ITGA2B: variants seen among roughly 807,000 people sequenced by gnomAD.
ITGA2B encodes integrin alpha-IIb.
Under a neutral mutation model 142.0 loss-of-function variants are expected in ITGA2B, and 91 were observed. The observed-to-expected ratio is 0.64, with a 90% CI of 0.54 to 0.76. The LOEUF is 0.76. Among genes scored for constraint, ITGA2B ranks in the 30% least tolerant of loss-of-function variants. The pLI is 0.00. For synonymous variants in ITGA2B, 536 were observed against 567.2 expected, an observed-to-expected ratio of 0.94 and a Z score of 0.78; for missense variants, 1,231 against 1,350.8, an observed-to-expected ratio of 0.91 and a Z score of 1.39.
intron 26 of ITGA2B, 74 bp downstream of exon 26, chr17:44,375,517 C>T: frequency 6.3e-7 from 1 of 1,576,144 alleles, no homozygotes; most frequent in East Asian, 2.3e-5. Context: ...CACCCGGACC[C>T]CTCTCCCTCC....
intron 29 of ITGA2B, among the ~76,000 whole-genome samples, chr17:44,372,640 T>G (rs913564144): frequency 3.3e-5 from 5 of 152,050 alleles, no homozygotes; most frequent in Non-Finnish European, 7.4e-5. Flanking sequence ...TATTTTTTTC[T>G]TTTTTTTAGA....
intron 22 of ITGA2B, 133 bp downstream of exon 22, chr17:44,376,876 G>T: frequency 1.4e-6 from 1 of 732,902 alleles, no homozygotes; most frequent in East Asian, 2.7e-5. Flanking sequence ...GCCTCGCAAC[G>T]TGCTGGGATT....
intron 9 of ITGA2B, 85 bp downstream of exon 9, chr17:44,384,226 G>A (rs911147845): frequency 6.3e-7 from 1 of 1,588,060 alleles, no homozygotes; most frequent in African/African-American, 1.3e-5. Context: ...GGTGGAGGCG[G>A]GGCGGGGGTG....
intron 12 of ITGA2B, 90 bp downstream of exon 12, chr17:44,383,403 T>A: frequency 8.1e-7 from 1 of 1,238,278 alleles, no homozygotes; most frequent in Non-Finnish European, 1.1e-6. Flanking sequence ...TTAAAACCCA[T>A]CCTGGTTCTG....
At position 44,385,983 on chromosome 17, in the gene ITGA2B, A is replaced by G. The variant is rs773993659; in HGVS notation, c.310+27T>C. 2.1e-5 allele frequency: 34 copies of G among 1,613,892 alleles called. No individual in the cohort carries two copies. In the East Asian group the frequency reaches 5.3e-4, roughly 25 times the overall value. On this transcript the variant is annotated intron_variant, in intron 2 of 29. Transcript: ENST00000262407. ...GGCAGTCCACGTCCCTCTGACCCCA[A>G]CCTTGCTCTCCTTGCCTGGGACTCA... is the stretch of plus-strand genomic sequence containing the variant.
Position 44,375,947 on chromosome 17 carries a change from G to A in ITGA2B, c.2487C>T (p.His829=). The A allele has an allele frequency of 6.2e-7, 1 of 1,614,158 alleles. No individual in the cohort carries two copies. Among genetic ancestry groups the A allele is most frequent in the Non-Finnish European group, 8.5e-7 (1 of 1,180,028 alleles). ...NNGPGTVNGL[H]LSIHLPGQSQ... is the part of the protein sequence containing the mutation. ...ACTGTCCCGGAAGGTGGATGCTGAG[G>A]TGAAGACCATTCACAGTCCCAGGGC... Residue 829 remains histidine (H), a synonymous_variant, in exon 25 of 30, where the codon CAC becomes CAT. Coordinates refer to ENST00000262407, the MANE Select transcript of ITGA2B (RefSeq NM_000419.5).
chr17:44,385,478 T>TG, intron 4 of ITGA2B, 73 bp downstream of exon 4: 1 of 1,284,992 alleles, frequency 7.8e-7, no homozygotes. Flanking sequence ...GCTGCGGCGC[T>TG]GGGGGCGGGA....
chr17:44,376,395 G>A lies in ITGA2B; in HGVS notation c.2268-7C>T. 1.2e-6 allele frequency: 2 copies of A among 1,614,108 alleles called. No homozygotes were observed. Among genetic ancestry groups the A allele is most frequent in the Non-Finnish European group, 1.7e-6 (2 of 1,179,954 alleles). ...TGGATTCTGGCTGTTCTTGCTAGAG[G>A]GGAGGGGATGAGGAGAAACAGGGCC... On this transcript the variant is annotated splice_polypyrimidine_tract_variant and splice_region_variant and intron_variant, in intron 22 of 29. Transcript: ENST00000262407.
chr17:44,375,991 G>A lies in ITGA2B; in HGVS notation c.2449-6C>T. On this transcript the variant is annotated splice_region_variant and splice_polypyrimidine_tract_variant and intron_variant, in intron 24 of 29. Coordinates refer to ENST00000262407, the MANE Select transcript of ITGA2B (RefSeq NM_000419.5). ...CCAGGGCCATTGTTGTGGAGCTGAA[G>A]GGGTGGTGGTGGCAGGGTGTGGGGA... The A allele has an allele frequency of 1.2e-6, 2 of 1,614,110 alleles. No individual in the cohort carries two copies. Among genetic ancestry groups the A allele is most frequent in the Non-Finnish European group, 1.7e-6 (2 of 1,180,010 alleles).
At chr17:44,382,942 T>A (rs1347902812) in intron 12 of ITGA2B, among the ~76,000 whole-genome samples, 1 of 152,026 alleles carries the variant, frequency 6.6e-6, no homozygotes, top group Non-Finnish European at 1.5e-5. Flanking sequence ...ATTTCACAGG[T>A]CCCGGGACCT....
At chr17:44,375,570 G>C in intron 26 of ITGA2B, 21 bp downstream of exon 26, 1 of 1,612,688 alleles carries the variant, frequency 6.2e-7, no homozygotes, top group Non-Finnish European at 8.5e-7. Flanking sequence ...GGCCGGGCCA[G>C]AGACCAGAGA....
chr17:44,379,585 G>A, intron 18 of ITGA2B, 104 bp downstream of exon 18: 4 of 1,559,434 alleles, frequency 2.6e-6, no homozygotes, highest in Non-Finnish European at 3.5e-6. Flanking sequence ...GGTTTGGAAT[G>A]ACATCAAGGT....
rs773106677 is a variant in ITGA2B, at chr17:44,380,834, A to G, written c.1393+45T>C. 3.1e-6 allele frequency: 5 copies of G among 1,610,774 alleles called. No individual in the cohort carries two copies. The African/African-American group carries it at 5.3e-5, about 17-fold the overall frequency. The stretch of plus-strand genomic sequence containing the variant: ...CTCTTGGCACTTCCAGCGAATGTCC[A>G]AGGGCCTTTCTTGGGCATTTCTAGC... On this transcript the variant is annotated intron_variant, in intron 13 of 29. Coordinates refer to ENST00000262407, the MANE Select transcript of ITGA2B (RefSeq NM_000419.5).
At position 44,389,367 on chromosome 17, in the gene ITGA2B, G is replaced by T. The variant is rs1259889853; in HGVS notation, c.107C>A (p.Pro36Gln). 2.5e-6 allele frequency: 4 copies of T among 1,614,166 alleles called. No individual in the cohort carries two copies. ...GCCTGCATAGAAGGTGAGCTGCACT[G>T]GGTCCAGGTTCAAGGCCCAGGCTGG... ...APPAWALNLD[P>Q]VQLTFYAGPN... Residue 36 changes from proline to glutamine, a missense_variant, in exon 1 of 30, where the codon CCA (proline) becomes CAA (glutamine). Physicochemically the swap from Pro to Gln is moderately conservative, Grantham distance 76 (BLOSUM62 -1). Around this residue, in one of 3 missense-constraint regions of ITGA2B, gnomAD observed 318 missense variants for 312.2 expected, o/e 1.02. Transcript: ENST00000262407.
intron 1 of ITGA2B, among the ~76,000 whole-genome samples, chr17:44,387,883 G>T (rs906800911): frequency 7.6e-5 from 11 of 145,616 alleles, no homozygotes; most frequent in Non-Finnish European, 4.5e-5. Context: ...AATTGTCAGA[G>T]TTGATGAAAG....
At position 44,372,212 on chromosome 17, in the gene ITGA2B, AG is replaced by A. The variant is rs796401871; in HGVS notation, c.*151del. ...CTCAGTCTCTTTATTAGGCAGCAGG[AG>A]GGGGGGTAGCCCAGCTCTGTTGGGA... On this transcript the variant is annotated 3_prime_UTR_variant, in exon 30 of 30. Transcript: ENST00000262407. The A allele has an allele frequency of 8.1e-5, 59 of 724,512 alleles. No individual in the cohort carries two copies. Among genetic ancestry groups the A allele is most frequent in the East Asian group, 1.1e-4 (4 of 37,156 alleles). 44.9% of individuals were successfully genotyped at this position (724,512 alleles called of 1,614,324 possible).
In ITGA2B at chr17:44,374,666, T is replaced by A; in HGVS notation, c.2936A>T (p.Glu979Val). 6.2e-7 allele frequency: 1 copy of A among 1,613,448 alleles called. No homozygotes were observed. The change falls in exon 28 of 30, where the codon GAA becomes GTA. Residue 979 changes from glutamate to valine, a missense_variant. Glu to Val is a moderately radical substitution (Grantham distance 121). Transcript: ENST00000262407. ...AVPPLSLPRG[E>V]AQVWTQLLRA... Reference sequence around the variant, plus strand: ...CCATCCCCCCACACTCACCTGAGCTTCCCCTCGGGGCAGGCTGAGCGGGGG... The same window carrying A: ...CCATCCCCCCACACTCACCTGAGCTACCCCTCGGGGCAGGCTGAGCGGGGG...
Position 44,389,449 on chromosome 17 carries a change from G to A in ITGA2B, c.25C>T (p.Gln9Ter), listed in dbSNP as rs936234094. 2 of 1,613,788 alleles carry A rather than the reference G, an allele frequency of 1.2e-6. No homozygotes were observed. The highest frequency in any genetic ancestry group is 1.3e-5 in the African/African-American group (1 of 74,944). MARALCPL[Q>*]ALWLLEWVLL... ...ACCCACTCCAGAAGCCAGAGGGCTT[G>A]CAGTGGACACAAAGCTCTGGCCATC... The change falls in exon 1 of 30, where the codon CAA becomes TAA. Residue 9 changes from glutamine (Q) to a stop codon, truncating the protein, a stop_gained. Coordinates refer to ENST00000262407, the MANE Select transcript of ITGA2B (RefSeq NM_000419.5). LOFTEE classifies it high-confidence loss of function.
In ITGA2B at chr17:44,389,502, G is replaced by C; in HGVS notation, c.-29C>G. 6.2e-7 allele frequency: 1 copy of C among 1,610,224 alleles called. No homozygotes were observed. The highest frequency in any genetic ancestry group is 8.5e-7 in the Non-Finnish European group (1 of 1,178,480). On this transcript the variant is annotated 5_prime_UTR_variant, in exon 1 of 30. Transcript: ENST00000262407. ...CCTTCTTCCACAACCTCCCAGGCAG[G>C]AATGGGCCAGCTCCTCCTCCTTCCC...
Sources: allele counts gnomAD v4.1 joint callset (sites outside exome capture counted in the v4.1 genomes callset), GRCh38; gene constraint gnomAD v4.1.1; regional missense constraint gnomAD v4.1.1; transcripts MANE v1.5; gene names NCBI Gene and HGNC (gene_info 2026-07-23, HGNC 2026-07-21).